The following NRXN3 variants were observed in gnomAD, a reference collection of about 807,000 sequenced individuals.
NRXN3 encodes the protein neurexin 3, also known as neurexin III.
In NRXN3, 32 loss-of-function variants were observed where a neutral mutation model predicts 137.6. The observed-to-expected ratio is 0.23, with a 90% CI of 0.18 to 0.31. The LOEUF is 0.31. Ranked by LOEUF, NRXN3 falls within the 10% of genes least tolerant of loss-of-function variation. The pLI is 1.00. For missense variants in NRXN3, 1,574 were observed against 2,062.5 expected, an observed-to-expected ratio of 0.76 and a Z score of 4.59; for synonymous variants, 798 against 784.5, an observed-to-expected ratio of 1.02 and a Z score of -0.29.
At position 78,917,312 on chromosome 14, in the gene NRXN3, G is replaced by C. The variant is rs184628630; in HGVS notation, c.2276-39930G>C. Among the ~76,000 whole-genome samples the C allele has an allele frequency of 1.5e-3, 226 of 152,314 alleles. 1 individual carries two copies. The highest frequency in any genetic ancestry group is 2.7e-3 in the Non-Finnish European group (182 of 68,036). On this transcript the variant is annotated intron_variant, in intron 10 of 20. Coordinates refer to ENST00000335750, the MANE Select transcript of NRXN3 (RefSeq NM_001330195.2). ...AAAAACACTGGGGCTTACTTCAGGA[G>C]GGATGGTAGAAGGAGAAAGAGGAGC...
chr14:79,658,682 A>G (rs1041243136), intron 16 of NRXN3, among the ~76,000 whole-genome samples: 3 of 152,140 alleles, frequency 2.0e-5, no homozygotes, highest in African/African-American at 7.2e-5. Flanking sequence ...TAGGAACCAG[A>G]CTTTGAAATG....
intron 15 of NRXN3, among the ~76,000 whole-genome samples, chr14:79,155,286 A>G (rs1371537324): frequency 6.6e-6 from 1 of 151,920 alleles, no homozygotes; most frequent in Non-Finnish European, 1.5e-5. Flanking sequence ...TCACATCTGT[A>G]TTTGTTAGTA....
intron 20 of NRXN3, among the ~76,000 whole-genome samples, chr14:79,825,018 C>T (rs570698364): frequency 2.0e-5 from 3 of 152,128 alleles, no homozygotes; most frequent in Non-Finnish European, 4.4e-5. Flanking sequence ...TACTAAAGAA[C>T]AAACGTTTGT....
At chr14:78,791,500 T>C (rs987751116) in intron 8 of NRXN3, among the ~76,000 whole-genome samples, 4 of 152,258 alleles carry the variant, frequency 2.6e-5, no homozygotes, top group Middle Eastern at 3.4e-3. Flanking sequence ...TACTATCCAC[T>C]TGGTAAAAAT....
At chr14:79,134,527 A>G (rs533050088) in intron 15 of NRXN3, among the ~76,000 whole-genome samples, 31 of 152,330 alleles carry the variant, frequency 2.0e-4, no homozygotes, top group African/African-American at 7.0e-4. Flanking sequence ...TTAGAGCTAG[A>G]CCATTGGGGA....
chr14:78,478,796 G>C (rs1474469754), intron 4 of NRXN3, among the ~76,000 whole-genome samples: 3 of 152,156 alleles, frequency 2.0e-5, no homozygotes, highest in Non-Finnish European at 4.4e-5. Context: ...CATTATGTGT[G>C]TTTCTGATCT....
intron 16 of NRXN3, among the ~76,000 whole-genome samples, chr14:79,565,749 A>C (rs184480228): frequency 6.6e-6 from 1 of 152,240 alleles, no homozygotes; most frequent in East Asian, 1.9e-4. Context: ...TACAGGGAAT[A>C]AAGCTAAGCA....
intron 6 of NRXN3, among the ~76,000 whole-genome samples, chr14:78,658,012 C>T (rs935223411): frequency 2.0e-5 from 3 of 152,096 alleles, no homozygotes; most frequent in African/African-American, 7.2e-5. Context: ...TTCTCTAATT[C>T]GTTTGTTTCC....
intron 4 of NRXN3, among the ~76,000 whole-genome samples, chr14:78,548,479 T>C (rs2096656814): frequency 1.3e-5 from 2 of 152,180 alleles, no homozygotes. Context: ...GGGAAATGGA[T>C]GATAGACAGA....
At chr14:78,579,607 T>C (rs758270122) in intron 4 of NRXN3, among the ~76,000 whole-genome samples, 1 of 151,682 alleles carries the variant, frequency 6.6e-6, no homozygotes, top group Non-Finnish European at 1.5e-5. Flanking sequence ...AGGAGAAAAA[T>C]TGCAGTGAGG....
chr14:79,066,374 C>T (rs1297109718), intron 15 of NRXN3, among the ~76,000 whole-genome samples: 1 of 152,094 alleles, frequency 6.6e-6, no homozygotes, highest in Non-Finnish European at 1.5e-5. Flanking sequence ...CAGTACCATG[C>T]TGTTTTGGTT....
chr14:79,177,934 T>C (rs912318863), intron 15 of NRXN3, among the ~76,000 whole-genome samples: 11 of 152,382 alleles, frequency 7.2e-5, no homozygotes, highest in African/African-American at 2.6e-4. Flanking sequence ...TTCTTTATTT[T>C]TTATTACTAA....
intron 4 of NRXN3, among the ~76,000 whole-genome samples, chr14:78,359,419 C>T (rs1047934009): frequency 6.6e-6 from 1 of 152,134 alleles, no homozygotes; most frequent in Non-Finnish European, 1.5e-5. Context: ...CTCAGAAGGG[C>T]CCCATACTTG....
At chr14:79,348,180 T>A (rs2092994269) in intron 15 of NRXN3, among the ~76,000 whole-genome samples, 1 of 152,072 alleles carries the variant, frequency 6.6e-6, no homozygotes, top group African/African-American at 2.4e-5. Context: ...GAAAATGCAG[T>A]CTTGGATTTT....
In NRXN3 at chr14:78,665,198, A is replaced by G. The variant is rs543697384; in HGVS notation, c.1221+13872A>G. 2.6e-5 allele frequency among the ~76,000 whole-genome samples: 4 copies of G among 152,324 alleles called. No individual in the cohort carries two copies. The East Asian group carries it at 7.7e-4, about 29-fold the overall frequency. On this transcript the variant is annotated intron_variant, in intron 6 of 20. Coordinates refer to ENST00000335750, the MANE Select transcript of NRXN3 (RefSeq NM_001330195.2). Reference sequence around the variant, plus strand: ...GGAAATGAAAGAGAATAATGGGTGTATTAGTCCATTCTCACACTGCTAATA... The same window carrying G: ...GGAAATGAAAGAGAATAATGGGTGTGTTAGTCCATTCTCACACTGCTAATA...
At chr14:79,481,712 G>C (rs781347262) in intron 16 of NRXN3, among the ~76,000 whole-genome samples, 2 of 152,324 alleles carry the variant, frequency 1.3e-5, no homozygotes, top group Admixed American at 6.5e-5. Context: ...TACATGTAGA[G>C]CTGGCTAAAT....
At chr14:79,429,558 A>G (rs140865144) in intron 15 of NRXN3, among the ~76,000 whole-genome samples, 8 of 152,318 alleles carry the variant, frequency 5.3e-5, no homozygotes, top group African/African-American at 1.9e-4. Context: ...CATAAAGTGT[A>G]ACTCTTGTTA....
intron 16 of NRXN3, among the ~76,000 whole-genome samples, chr14:79,638,689 A>G (rs532611277): frequency 1.3e-5 from 2 of 152,352 alleles, no homozygotes; most frequent in Admixed American, 6.5e-5. Flanking sequence ...TAGGGACCAC[A>G]TATCAATGAC....
chr14:79,477,249 T>C (rs976900122), intron 16 of NRXN3, among the ~76,000 whole-genome samples: 1 of 152,014 alleles, frequency 6.6e-6, no homozygotes, highest in Non-Finnish European at 1.5e-5. Flanking sequence ...CTCAAATTCA[T>C]GAATTCAATT....
Sources: gnomAD v4.1 joint callset for allele counts (sites outside exome capture counted in the v4.1 genomes callset) on GRCh38, gnomAD v4.1.1 for gene constraint, MANE v1.5 for transcripts, NCBI Gene and HGNC (gene_info 2026-07-23, HGNC 2026-07-21) for gene names.